GINM1: variants seen among roughly 807,000 people sequenced by gnomAD.
The protein encoded by GINM1 is glycoprotein integral membrane protein 1.
GINM1 carries 29 observed loss-of-function variants against 37.8 expected under a neutral mutation model. That is an observed-to-expected ratio of 0.77 (90% confidence interval 0.57 to 1.05). The LOEUF is 1.05. GINM1 is among the 50% of genes least tolerant of loss of function. GINM1 has a pLI of 0.00. For synonymous variants in GINM1, 143 were observed against 146.2 expected, an observed-to-expected ratio of 0.98 and a Z score of 0.16; for missense variants, 377 against 397.9, an observed-to-expected ratio of 0.95 and a Z score of 0.45.
rs73781239 is a variant in GINM1, at chr6:149,580,159, A to G, written c.586+169A>G. ...CTTGTTTAAAAAAATGCTTCATAAC[A>G]TGTATTGCTTCATATGTCCATTTAA... On this transcript the variant is annotated intron_variant, in intron 5 of 7. Coordinates refer to ENST00000367419, the MANE Select transcript of GINM1 (RefSeq NM_138785.5). Among the ~76,000 whole-genome samples the G allele has an allele frequency of 3.4e-3, 521 of 152,364 alleles. 3 individuals are homozygous for G. Among genetic ancestry groups the G allele is most frequent in the African/African-American group, 0.012 (503 of 41,596 alleles).
intron 5 of GINM1, 99 bp from the exon 6 acceptor site, chr6:149,580,494 A>G (rs1246654703): frequency 5.7e-6 from 6 of 1,047,658 alleles, no homozygotes; most frequent in Non-Finnish European, 6.9e-6. Flanking sequence ...ATGGTAAAAT[A>G]TGTGTTCTTA....
rs4870144 is a variant in GINM1 at position 149,575,540 on chromosome 6, C to T, written c.277+2937C>T. ...GTCTGGGAGTTGGCAAATGCCTTTG[C>T]GGGAAGAAATCACATAGGATATTGT... On this transcript the variant is annotated intron_variant, in intron 3 of 7. Transcript: ENST00000367419. 9.9e-5 allele frequency among the ~76,000 whole-genome samples: 15 copies of T among 152,136 alleles called. No homozygotes were observed. In the South Asian group the frequency reaches 1.2e-3, roughly 13 times the overall value.
chr6:149,567,541 G>A (rs1777740527), intron 1 of GINM1, among the ~76,000 whole-genome samples: 1 of 152,020 alleles, frequency 6.6e-6, no homozygotes, highest in African/African-American at 2.4e-5. Flanking sequence ...CTCGGGAGGC[G>A]GAGACAGGAG....
At chr6:149,588,501 A>G (rs115092758) in intron 7 of GINM1, among the ~76,000 whole-genome samples, 1,627 of 152,320 alleles carry the variant, frequency 0.011, 29 homozygotes, top group African/African-American at 0.038. Flanking sequence ...GTATCTCATC[A>G]TACAAAAGCT....
chr6:149,570,142 A>T (rs1277334485), intron 1 of GINM1, among the ~76,000 whole-genome samples: 610 of 4,556 alleles, frequency 0.13, 20 homozygotes, highest in African/African-American at 0.2. Context: ...GGTTTTATAT[A>T]TATATATATA....
At chr6:149,578,771 A>G (rs769995253) in intron 3 of GINM1, 51 bp from the exon 4 acceptor site, 48 of 1,261,092 alleles carry the variant, frequency 3.8e-5, no homozygotes, top group Non-Finnish European at 5.4e-5. Flanking sequence ...ACTCACTCAC[A>G]GATTTGGTGG....
At chr6:149,575,742 C>T (rs1212526828) in intron 3 of GINM1, among the ~76,000 whole-genome samples, 3 of 152,136 alleles carry the variant, frequency 2.0e-5, no homozygotes, top group African/African-American at 4.8e-5. Context: ...CAAGCTGATC[C>T]ATGGTAGCTA....
At chr6:149,580,551 A>G in intron 5 of GINM1, 42 bp from the exon 6 acceptor site, 3 of 1,577,736 alleles carry the variant, frequency 1.9e-6, no homozygotes, top group Non-Finnish European at 2.6e-6. Flanking sequence ...TAGTAGGATA[A>G]GACACCAGCA....
intron 3 of GINM1, 98 bp downstream of exon 3, chr6:149,572,701 A>C: frequency 2.6e-6 from 2 of 781,436 alleles, no homozygotes; most frequent in Non-Finnish European, 4.4e-6. Context: ...TTGCTCTGTC[A>C]CCCAGGCTGG....
intron 1 of GINM1, among the ~76,000 whole-genome samples, chr6:149,570,136 T>TTTTA (rs1777789107): frequency 2.2e-5 from 1 of 45,818 alleles, no homozygotes; most frequent in Non-Finnish European, 4.4e-5. Flanking sequence ...TAGGTAGGTT[T>TTTTA]TATATATATA....
At position 149,590,828 on chromosome 6, in the gene GINM1, C is replaced by T. The variant is rs1433413325; in HGVS notation, c.983C>T (p.Thr328Ile). The change falls in exon 8 of 8, where the codon ACA (threonine) becomes ATA (isoleucine). Residue 328 changes from threonine (T) to isoleucine (I), a missense_variant. Physicochemically the swap from Thr to Ile is moderately conservative, Grantham distance 89. Coordinates refer to ENST00000367419, the MANE Select transcript of GINM1 (RefSeq NM_138785.5). ...AGAGCTGAAAACCTTGAAGATAAAA[C>T]ATGTATTTAAAACGCCATCTCATAT... ...EKRAENLEDK[T>I]CI The T allele has an allele frequency of 3.9e-6, 6 of 1,543,432 alleles. No individual in the cohort carries two copies. The highest frequency in any genetic ancestry group is 1.4e-5 in the African/African-American group (1 of 73,374).
intron 1 of GINM1, among the ~76,000 whole-genome samples, chr6:149,570,162 A>AG (rs1367384124): frequency 1.4e-5 from 1 of 72,348 alleles, no homozygotes; most frequent in East Asian, 5.1e-4. Flanking sequence ...ATATATATAT[A>AG]TATATATATA....
At chr6:149,570,143 TATATATATATATATA>T (rs1562269779) in intron 1 of GINM1, among the ~76,000 whole-genome samples, 528 of 8,416 alleles carry the variant, frequency 0.063, 25 homozygotes, top group Middle Eastern at 0.17. Flanking sequence ...GTTTTATATA[TATATATATATATATA>T]TATATATATA....
At chr6:149,569,706 C>T (rs576219133) in intron 1 of GINM1, among the ~76,000 whole-genome samples, 4 of 152,236 alleles carry the variant, frequency 2.6e-5, no homozygotes, top group East Asian at 1.9e-4. Context: ...GAGAGGCATT[C>T]GGAGGACACT....
At chr6:149,582,213 G>A (rs546731566) in intron 6 of GINM1, 1 of 580,324 alleles carries the variant, frequency 1.7e-6, no homozygotes, top group Non-Finnish European at 3.2e-6. Flanking sequence ...TGTATTGTTA[G>A]AACATAATTT....
Position 149,570,655 on chromosome 6 carries a change from A to G in GINM1, c.121-1630A>G, listed in dbSNP as rs181448605. Among the ~76,000 whole-genome samples the G allele has an allele frequency of 1.6e-4, 25 of 152,310 alleles. No homozygotes were observed. In the East Asian group the frequency reaches 4.6e-3, roughly 28 times the overall value. The stretch of plus-strand genomic sequence containing the variant: ...AGTCTTATTCTCTCATTTGTGGGAA[A>G]TTATATATAAAGTATTTAGGATACT... On this transcript the variant is annotated intron_variant, in intron 1 of 7. Transcript: ENST00000367419.
At position 149,572,269 on chromosome 6, in the gene GINM1, A is replaced by G. The variant is rs758858567; in HGVS notation, c.121-16A>G. 40 of 1,548,710 alleles carry G rather than the reference A, an allele frequency of 2.6e-5. No homozygotes were observed. Among genetic ancestry groups the G allele is most frequent in the Non-Finnish European group, 3.3e-5 (38 of 1,134,556 alleles). ...GAGATGCACACCTTCCAATTTACAC[A>G]ATACTTGTTTTACAGGACGGCATCA... On this transcript the variant is annotated splice_polypyrimidine_tract_variant and intron_variant, in intron 1 of 7. Coordinates refer to ENST00000367419, the MANE Select transcript of GINM1 (RefSeq NM_138785.5).
intron 3 of GINM1, among the ~76,000 whole-genome samples, chr6:149,575,317 T>A (rs570285730): frequency 1.3e-5 from 2 of 152,372 alleles, no homozygotes; most frequent in African/African-American, 4.8e-5. Flanking sequence ...GAGGTTTTAT[T>A]TGTCTGAAAA....
At chr6:149,568,412 A>G (rs1777755316) in intron 1 of GINM1, among the ~76,000 whole-genome samples, 1 of 152,266 alleles carries the variant, frequency 6.6e-6, no homozygotes, top group African/African-American at 2.4e-5. Flanking sequence ...GTGGTCCCAC[A>G]TATTGTGTAA....
Sources: allele counts gnomAD v4.1 joint callset (sites outside exome capture counted in the v4.1 genomes callset), GRCh38; gene constraint gnomAD v4.1.1; transcripts MANE v1.5; gene names NCBI Gene and HGNC (gene_info 2026-07-23, HGNC 2026-07-21).